Variants in PCDHA4 observed in about 807,000 individuals in gnomAD.
The protein encoded by PCDHA4 is protocadherin alpha 4.
PCDHA4 carries 49 observed loss-of-function variants against 61.4 expected under a neutral mutation model. That is an observed-to-expected ratio of 0.80 (90% CI 0.63 to 1.01). The LOEUF is 1.01. PCDHA4 is among the 50% of genes least tolerant of loss of function. The pLI, the probability that PCDHA4 is intolerant of heterozygous loss-of-function variation, is 0.00. For synonymous variants in PCDHA4, 590 were observed against 550.3 expected, an observed-to-expected ratio of 1.07 and a Z score of -1.01; for missense variants, 1,254 against 1,235.8, an observed-to-expected ratio of 1.01 and a Z score of -0.22.
rs2150175965 is a variant in PCDHA4, at chr5:140,829,844, C to G, written c.2385+20272C>G. On this transcript the variant is annotated intron_variant, in intron 1 of 3. Coordinates refer to ENST00000530339, the MANE Select transcript of PCDHA4 (RefSeq NM_018907.4). ...AGTGAGCGAGCTGGTGCCGCGGTCACTGGGTGCAGGCCAAGTGGTGGCGAA... is the reference window on the plus strand; with the variant it reads ...AGTGAGCGAGCTGGTGCCGCGGTCAGTGGGTGCAGGCCAAGTGGTGGCGAA... 17,404 of 1,613,920 alleles carry G rather than the reference C, an allele frequency of 0.011. 1,610 individuals are homozygous for G. In the African/African-American group the frequency reaches 0.2, roughly 19 times the overall value.
At chr5:140,846,207 T>C (rs1310866622) in intron 1 of PCDHA4, among the ~76,000 whole-genome samples, 2 of 149,584 alleles carry the variant, frequency 1.3e-5, no homozygotes, top group Non-Finnish European at 3.0e-5. Context: ...GTATGAGATC[T>C]TTCCATTAAT....
chr5:140,955,501 A>G (rs1479045859), intron 1 of PCDHA4, among the ~76,000 whole-genome samples: 5 of 152,114 alleles, frequency 3.3e-5, no homozygotes, highest in African/African-American at 1.2e-4. Context: ...CATGTGAAGA[A>G]AGACGTGTTT....
At chr5:140,917,278 C>T (rs188364646) in intron 1 of PCDHA4, among the ~76,000 whole-genome samples, 198 of 143,570 alleles carry the variant, frequency 1.4e-3, no homozygotes, top group South Asian at 9.8e-3. Flanking sequence ...TTTGTAATGA[C>T]GCTTTTCCGT....
At chr5:140,870,643 G>T (rs782549928) in intron 1 of PCDHA4, 6 of 1,612,796 alleles carry the variant, frequency 3.7e-6, no homozygotes, top group Non-Finnish European at 5.1e-6. Flanking sequence ...CGCGGAGAGC[G>T]GCAAGGTGTA....
At position 140,809,344 on chromosome 5, in the gene PCDHA4, C is replaced by T; in HGVS notation, c.2157C>T (p.Thr719=). 1 of 1,614,082 alleles carries T rather than the reference C, an allele frequency of 6.2e-7. No homozygotes were observed. The highest frequency in any genetic ancestry group is 8.5e-7 in the Non-Finnish European group (1 of 1,179,942). Residue 719 remains threonine (T), a synonymous_variant, in exon 1 of 4, where the codon ACC becomes ACT. Transcript: ENST00000530339. ...SLLVLTLLLY[T]ALRCSALPTE... ...TGGTGCTCACGCTGCTGCTGTACAC[C>T]GCGCTGCGGTGCTCTGCGCTGCCCA...
At chr5:140,833,460 T>C (rs1440945863) in intron 1 of PCDHA4, among the ~76,000 whole-genome samples, 2 of 152,148 alleles carry the variant, frequency 1.3e-5, no homozygotes, top group Non-Finnish European at 2.9e-5. Context: ...AAAATAAACT[T>C]ACATTTTAAA....
chr5:140,897,052 C>G (rs2065858358), intron 1 of PCDHA4, among the ~76,000 whole-genome samples: 1 of 152,114 alleles, frequency 6.6e-6, no homozygotes, highest in Non-Finnish European at 1.5e-5. Context: ...ATTCTGCTGT[C>G]AAATACTATG....
In PCDHA4 at chr5:140,967,846, C is replaced by T. The variant is rs151021111; in HGVS notation, c.2386-11103C>T. ...TGGTGGACATCGTGGACGTGAATGA[C>T]AATGCCCCAGAGGTGGTGCTCACGG... On this transcript the variant is annotated intron_variant, in intron 1 of 3. Coordinates refer to ENST00000530339, the MANE Select transcript of PCDHA4 (RefSeq NM_018907.4). 708 of 1,614,166 alleles carry T rather than the reference C, an allele frequency of 4.4e-4. 2 individuals are homozygous for T. Among genetic ancestry groups the T allele is most frequent in the Middle Eastern group, 2.8e-3 (17 of 6,062 alleles).
At chr5:140,906,924 T>G (rs1244538728) in intron 1 of PCDHA4, among the ~76,000 whole-genome samples, 1 of 152,226 alleles carries the variant, frequency 6.6e-6, no homozygotes, top group African/African-American at 2.4e-5. Flanking sequence ...GCCCAAAAAG[T>G]GTCCCGGTGT....
At chr5:141,007,306 T>C (rs1050571899) in intron 3 of PCDHA4, among the ~76,000 whole-genome samples, 8 of 151,500 alleles carry the variant, frequency 5.3e-5, no homozygotes, top group Admixed American at 3.3e-4. Context: ...ATCTTAGCAT[T>C]TTGGGAGGCT....
chr5:140,877,054 C>T (rs1226224209), intron 1 of PCDHA4: 3 of 1,612,658 alleles, frequency 1.9e-6, no homozygotes, highest in African/African-American at 2.7e-5. Flanking sequence ...CCACGAGGAG[C>T]TGGAGCTGCT....
chr5:140,951,413 C>T (rs1206149734), intron 1 of PCDHA4, among the ~76,000 whole-genome samples: 1 of 152,028 alleles, frequency 6.6e-6, no homozygotes, highest in African/African-American at 2.4e-5. Context: ...GTTTAATTGG[C>T]TCACAGTTCC....
At chr5:140,836,946 C>T (rs2150271412) in intron 1 of PCDHA4, 6 of 445,876 alleles carry the variant, frequency 1.3e-5, no homozygotes, top group Admixed American at 4.0e-5. Flanking sequence ...AGATCAAAAT[C>T]TATGGTTTAT....
chr5:140,823,842 G>A, intron 1 of PCDHA4: 2 of 1,613,848 alleles, frequency 1.2e-6, no homozygotes. Flanking sequence ...TGGGTCCCGA[G>A]GCTGCCCTGG....
intron 1 of PCDHA4, among the ~76,000 whole-genome samples, chr5:140,936,021 T>TA (rs2090725097): frequency 1.3e-5 from 2 of 151,374 alleles, no homozygotes; most frequent in African/African-American, 4.9e-5. Flanking sequence ...GCCTCCCGAG[T>TA]AGCGGGGATT....
intron 1 of PCDHA4, chr5:140,849,864 C>G (rs1554143420): frequency 6.3e-7 from 1 of 1,598,642 alleles, no homozygotes; most frequent in South Asian, 1.1e-5. Context: ...AGCGTTCGCG[C>G]AGTCCGAGTA....
intron 1 of PCDHA4, among the ~76,000 whole-genome samples, chr5:140,937,039 C>CT (rs34994034): frequency 0.49 from 69,094 of 140,108 alleles, 17,193 homozygotes; most frequent in East Asian, 0.59. Flanking sequence ...TTCCATTTAT[C>CT]TTTTTTTTTT....
chr5:140,929,279 T>C (rs368682683), intron 1 of PCDHA4: 1 of 1,603,874 alleles, frequency 6.2e-7, no homozygotes, highest in Non-Finnish European at 8.5e-7. Context: ...ATATCCTGTA[T>C]TCAGATTCGG....
rs781915766 is a variant in PCDHA4, at chr5:140,869,999, G to C, written c.2385+60427G>C. Reference sequence around the variant, plus strand: ...TTATTTACACTAGATCAAAATAATGGAGAAGTGAGGGTCAATGGAACTTTA... The same window carrying C: ...TTATTTACACTAGATCAAAATAATGCAGAAGTGAGGGTCAATGGAACTTTA... On this transcript the variant is annotated intron_variant, in intron 1 of 3. Coordinates refer to ENST00000530339, the MANE Select transcript of PCDHA4 (RefSeq NM_018907.4). The C allele has an allele frequency of 3.7e-6, 6 of 1,613,396 alleles. No individual in the cohort carries two copies. In the South Asian group the frequency reaches 6.6e-5, roughly 18 times the overall value.
Sources: gnomAD v4.1 joint callset for allele counts (sites outside exome capture counted in the v4.1 genomes callset) on GRCh38, gnomAD v4.1.1 for gene constraint, MANE v1.5 for transcripts, NCBI Gene and HGNC (gene_info 2026-07-23, HGNC 2026-07-21) for gene names.